Variants in PSMB7 observed in about 807,000 individuals in gnomAD.
PSMB7 encodes proteasome subunit beta type-7.
A neutral mutation model predicts 28.1 loss-of-function variants in PSMB7; 5 were observed. The observed-to-expected ratio is 0.18, with a 90% CI of 0.09 to 0.37. PSMB7 has a LOEUF of 0.37. PSMB7 is among the 10% of genes least tolerant of loss of function. The pLI is 1.00. For synonymous variants in PSMB7, 122 were observed against 123.7 expected (o/e 0.99, Z 0.09); for missense variants, 275 against 346.2 (o/e 0.79, Z 1.63).
chr9:124,384,474 A>G, intron 6 of PSMB7, 124 bp downstream of exon 6: 1 of 897,700 alleles, frequency 1.1e-6, no homozygotes, highest in South Asian at 1.9e-5. Context: ...ATCTGTGCCA[A>G]AGAACATTCC....
At position 124,413,920 on chromosome 9, in the gene PSMB7, G is replaced by C. The variant is rs1831057591; in HGVS notation, c.242C>G (p.Ser81Cys). 1 of 1,599,870 alleles carries C rather than the reference G, an allele frequency of 6.3e-7. No individual in the cohort carries two copies. The stretch of plus-strand genomic sequence containing the variant: ...AATCAATACTTACTAAATATTAGGA[G>C]ATATGAAGTGTATTTTTGAACAGTT... ...DKNCSKIHFI[S>C]PNIYCCGAGT... is the part of the protein sequence containing the mutation. Residue 81 changes from serine (S) to cysteine (C), a missense_variant, in exon 3 of 8, where the codon TCT becomes TGT. Physicochemically the swap from Ser to Cys is moderately radical, Grantham distance 112. Coordinates refer to ENST00000259457, the MANE Select transcript of PSMB7 (RefSeq NM_002799.4).
chr9:124,359,621 G>A (rs911516155), intron 6 of PSMB7, among the ~76,000 whole-genome samples: 6 of 152,150 alleles, frequency 3.9e-5, no homozygotes, highest in East Asian at 1.9e-4. Context: ...TCCTTGGGCC[G>A]GGGGCTCCTC....
At chr9:124,360,553 T>G (rs1009620471) in intron 6 of PSMB7, among the ~76,000 whole-genome samples, 2 of 152,226 alleles carry the variant, frequency 1.3e-5, no homozygotes, top group East Asian at 3.9e-4. Flanking sequence ...CAAGGGAACC[T>G]CAGTGTGGCG....
chr9:124,407,905 G>C (rs1830983461), intron 4 of PSMB7, among the ~76,000 whole-genome samples: 1 of 152,150 alleles, frequency 6.6e-6, no homozygotes, highest in African/African-American at 2.4e-5. Context: ...CCAAAACCTA[G>C]GGAGGTCATG....
At chr9:124,414,548 C>T (rs548389382) in intron 2 of PSMB7, among the ~76,000 whole-genome samples, 80 of 151,566 alleles carry the variant, frequency 5.3e-4, no homozygotes, top group African/African-American at 1.9e-3. Flanking sequence ...CCCCAAATCT[C>T]GTGATCTCCC....
rs1341224802 is a variant in PSMB7, at chr9:124,356,390, G to A, written c.722+374C>T. 6.6e-6 allele frequency among the ~76,000 whole-genome samples: 1 copy of A among 152,116 alleles called. No individual in the cohort carries two copies. The highest frequency in any genetic ancestry group is 1.5e-5 in the Non-Finnish European group (1 of 68,026). ...TGACTTACACCCAGTTAGGAATCTCGGGGCACTCTGAGGGAAAGTGCTGGG... is the reference window on the plus strand; with the variant it reads ...TGACTTACACCCAGTTAGGAATCTCAGGGCACTCTGAGGGAAAGTGCTGGG... On this transcript the variant is annotated intron_variant, in intron 7 of 7. Transcript: ENST00000259457. This position sits in a 1 kb window ranked among gnomAD's most constrained non-coding sequence, Gnocchi z 4.4.
At chr9:124,384,497 T>C (rs926099031) in intron 6 of PSMB7, 101 bp downstream of exon 6, 2 of 1,080,092 alleles carry the variant, frequency 1.9e-6, no homozygotes, top group Non-Finnish European at 2.7e-6. Context: ...CTAACAACAG[T>C]GCTGTACAAG....
At chr9:124,358,707 G>A (rs1039536828) in intron 6 of PSMB7, among the ~76,000 whole-genome samples, 1 of 152,178 alleles carries the variant, frequency 6.6e-6, no homozygotes, top group African/African-American at 2.4e-5. Context: ...GGCACGTGCG[G>A]GGAGAACCAT....
chr9:124,372,593 T>A (rs1263049838), intron 6 of PSMB7, among the ~76,000 whole-genome samples: 1 of 152,228 alleles, frequency 6.6e-6, no homozygotes, highest in East Asian at 1.9e-4. Context: ...TCTAACCCCC[T>A]TTTATTTCCT....
At chr9:124,355,324 G>A (rs1489494931) in intron 7 of PSMB7, among the ~76,000 whole-genome samples, 1 of 152,224 alleles carries the variant, frequency 6.6e-6, no homozygotes, top group Admixed American at 6.5e-5. Context: ...CTGTTTACAA[G>A]TGGAGCAGCC....
At chr9:124,387,203 G>C (rs978188546) in intron 5 of PSMB7, among the ~76,000 whole-genome samples, 1 of 152,090 alleles carries the variant, frequency 6.6e-6, no homozygotes, top group Non-Finnish European at 1.5e-5. Flanking sequence ...CCCAGATCGC[G>C]CAACTGCACT....
In PSMB7 at chr9:124,392,015, C is replaced by G. The variant is rs148002010; in HGVS notation, c.512-7359G>C. 6.6e-3 allele frequency among the ~76,000 whole-genome samples: 1,004 copies of G among 152,324 alleles called. 5 individuals carry two copies. The highest frequency in any genetic ancestry group is 0.011 in the Admixed American group (165 of 15,300). ...GAAATTTGCTTTTTCTAATAAGGTG[C>G]TCACTAACTCTCAAACTGGGGAAGG... On this transcript the variant is annotated intron_variant, in intron 5 of 7. Coordinates refer to ENST00000259457, the MANE Select transcript of PSMB7 (RefSeq NM_002799.4).
At chr9:124,410,077 C>A (rs1271181457) in intron 4 of PSMB7, among the ~76,000 whole-genome samples, 1 of 148,312 alleles carries the variant, frequency 6.7e-6, no homozygotes, top group Non-Finnish European at 1.5e-5. Flanking sequence ...GGCACAATCT[C>A]GGCTCACTGC....
rs556903274 is a variant in PSMB7, at chr9:124,356,506, C to T, written c.722+258G>A. On this transcript the variant is annotated intron_variant, in intron 7 of 7. Transcript: ENST00000259457. This position sits in a 1 kb window ranked among gnomAD's most constrained non-coding sequence, Gnocchi z 4.4. ...AGCAGATGATCCAAACCTCTCCGGC[C>T]CCACCTCCCAGCCTAGGGCTCTTTC... is the stretch of plus-strand genomic sequence containing the variant. Among the ~76,000 whole-genome samples, 8 of 152,178 alleles carry T rather than the reference C, an allele frequency of 5.3e-5. No homozygotes were observed. The highest frequency in any genetic ancestry group is 1.2e-4 in the Non-Finnish European group (8 of 68,034).
intron 5 of PSMB7, among the ~76,000 whole-genome samples, 154 bp downstream of exon 5, chr9:124,405,163 G>A (rs1001528183): frequency 4.6e-5 from 7 of 152,070 alleles, no homozygotes; most frequent in South Asian, 2.1e-4. Flanking sequence ...CCTAGAACAC[G>A]GCCTAATCTA....
chr9:124,396,654 G>A (rs1830846343), intron 5 of PSMB7: 2 of 424,106 alleles, frequency 4.7e-6, no homozygotes, highest in South Asian at 3.6e-5. Context: ...TTCCTAAATT[G>A]TCCAAGGACC....
Position 124,353,632 on chromosome 9 carries a change from A to T in PSMB7, c.800T>A (p.Leu267Gln). Residue 267 changes from leucine to glutamine, a missense_variant, in exon 8 of 8, where the codon CTG becomes CAG. Coordinates refer to ENST00000259457, the MANE Select transcript of PSMB7 (RefSeq NM_002799.4). ...EKITPLEIEV[L>Q]EETVQTMDTS ...GTCCATTGTTTGGACTGTTTCTTCC[A>T]GCACCTCAATCTCCAGAGGAGTGAT... 6.2e-7 allele frequency: 1 copy of T among 1,613,920 alleles called. No homozygotes were observed. Among genetic ancestry groups the T allele is most frequent in the Non-Finnish European group, 8.5e-7 (1 of 1,179,814 alleles).
At chr9:124,388,622 A>G (rs1379585421) in intron 5 of PSMB7, among the ~76,000 whole-genome samples, 1 of 152,166 alleles carries the variant, frequency 6.6e-6, no homozygotes, top group African/African-American at 2.4e-5. Flanking sequence ...AAAAAGTCCT[A>G]TATGCTACAA....
chr9:124,398,486 G>A, intron 5 of PSMB7: 1 of 361,744 alleles, frequency 2.8e-6, no homozygotes, highest in Non-Finnish European at 5.6e-6. Context: ...GGATTGGAAA[G>A]AAACAAAAAG....
Sources: gnomAD v4.1 joint callset for allele counts (sites outside exome capture counted in the v4.1 genomes callset) on GRCh38, gnomAD v4.1.1 for gene constraint, Gnocchi (gnomAD v3.1) non-coding constraint, MANE v1.5 for transcripts, NCBI Gene and HGNC (gene_info 2026-07-23, HGNC 2026-07-21) for gene names.